Variants in DDB1 observed in about 807,000 individuals in gnomAD.
DDB1 encodes the protein DNA damage-binding protein 1.
In DDB1, 18 loss-of-function variants were observed where a neutral mutation model predicts 133.1. The observed-to-expected ratio is 0.14, with a 90% confidence interval of 0.09 to 0.20. The LOEUF (loss-of-function observed/expected upper bound fraction) is 0.20, where lower values mean the gene tolerates loss of function less well. Among genes scored for constraint, DDB1 ranks in the 10% least tolerant of loss-of-function variants. The pLI is 1.00. For missense variants in DDB1, 828 were observed against 1,459.2 expected, an observed-to-expected ratio of 0.57 and a Z score of 7.05; for synonymous variants, 580 against 550.5, an observed-to-expected ratio of 1.05 and a Z score of -0.75.
At chr11:61,315,374 T>C (rs1303977776) in intron 12 of DDB1, 2 of 152,200 alleles carry the variant, frequency 1.3e-5, no homozygotes, top group African/African-American at 2.4e-5. Context: ...AGCTCTTTAA[T>C]AATAAATAGG....
intron 20 of DDB1, 147 bp from the exon 21 acceptor site, chr11:61,309,224 T>C: frequency 2.9e-6 from 2 of 699,200 alleles, no homozygotes; most frequent in Non-Finnish European, 5.0e-6. Flanking sequence ...TCTACTGGAG[T>C]TAATGACCAC....
At chr11:61,321,497 T>A in intron 10 of DDB1, 98 bp downstream of exon 10, 1 of 986,920 alleles carries the variant, frequency 1.0e-6, no homozygotes, top group East Asian at 2.4e-5. Context: ...TCACTTGATC[T>A]GCTTTCCTCT....
At chr11:61,300,374 C>T (rs1001727962) in intron 26 of DDB1, among the ~76,000 whole-genome samples, 155 bp from the exon 27 acceptor site, 14 of 152,210 alleles carry the variant, frequency 9.2e-5, no homozygotes, top group African/African-American at 2.9e-4. Flanking sequence ...CTGGGTGGCA[C>T]AGGTCAGCAA....
Position 61,331,706 on chromosome 11 carries a change from C to G in DDB1, c.62-15G>C. ...AGTAAAGTGTCCTGAAAGAACAGAC[C>G]CTCTAACTTTTGAACTCAGGGGAAG... is the stretch of plus-strand genomic sequence containing the variant. On this transcript the variant is annotated splice_polypyrimidine_tract_variant and intron_variant, in intron 1 of 26. Coordinates refer to ENST00000301764, the MANE Select transcript of DDB1 (RefSeq NM_001923.5). 1.9e-6 allele frequency: 3 copies of G among 1,613,508 alleles called. No homozygotes were observed. Among genetic ancestry groups the G allele is most frequent in the Middle Eastern group, 3.3e-4 (2 of 6,060 alleles).
intron 3 of DDB1, 49 bp downstream of exon 3, chr11:61,329,909 T>C: frequency 6.7e-7 from 1 of 1,484,934 alleles, no homozygotes; most frequent in South Asian, 1.1e-5. Flanking sequence ...CCATGAATCA[T>C]GACAGCCCTA....
At chr11:61,317,930 G>A (rs187137091) in intron 10 of DDB1, among the ~76,000 whole-genome samples, 26 of 152,180 alleles carry the variant, frequency 1.7e-4, no homozygotes, top group African/African-American at 5.8e-4. Flanking sequence ...GGGTGTGGGA[G>A]GATCTTGCTA....
chr11:61,320,654 G>A (rs1269930259), intron 10 of DDB1, among the ~76,000 whole-genome samples: 2 of 151,724 alleles, frequency 1.3e-5, no homozygotes, highest in African/African-American at 4.8e-5. Context: ...CCTCCCAAGT[G>A]GCTAGGACTA....
chr11:61,302,240 G>C lies in DDB1; in HGVS notation c.3215+17C>G. The C allele has an allele frequency of 6.2e-7, 1 of 1,605,346 alleles. No individual in the cohort carries two copies. Among genetic ancestry groups the C allele is most frequent in the South Asian group, 1.1e-5 (1 of 90,906 alleles). On this transcript the variant is annotated intron_variant, in intron 25 of 26. Transcript: ENST00000301764. ...GGGATGTGCTTCCCAGCAAGGGGAT[G>C]GCTCTGGGAAGGATATAAGGAGTGC...
chr11:61,308,053 C>CT lies in DDB1; in HGVS notation c.2661+929dup, dbSNP rs375840072. 5.0e-3 allele frequency among the ~76,000 whole-genome samples: 755 copies of CT among 152,306 alleles called. 9 individuals carry two copies. The highest frequency in any genetic ancestry group is 0.017 in the African/African-American group (709 of 41,558). ...AGTCTTTCCAGAGAAGCAACATGACCTTTTGAAAATACAAGTTCAATCATG... is the reference window on the plus strand; with the variant it reads ...AGTCTTTCCAGAGAAGCAACATGACCTTTTTGAAAATACAAGTTCAATCATG... On this transcript the variant is annotated intron_variant, in intron 21 of 26. Transcript: ENST00000301764.
chr11:61,321,497 T>G, intron 10 of DDB1, 98 bp downstream of exon 10: 5 of 986,920 alleles, frequency 5.1e-6, no homozygotes, highest in Non-Finnish European at 8.0e-6. Flanking sequence ...TCACTTGATC[T>G]GCTTTCCTCT....
chr11:61,324,573 G>C (rs1438775689), intron 6 of DDB1, among the ~76,000 whole-genome samples: 1 of 152,028 alleles, frequency 6.6e-6, no homozygotes, highest in Non-Finnish European at 1.5e-5. Context: ...CCAGGCTAAA[G>C]TACGGTGGCT....
intron 1 of DDB1, 137 bp from the exon 2 acceptor site, chr11:61,331,828 T>A (rs916357090): frequency 3.1e-5 from 38 of 1,234,186 alleles, no homozygotes; most frequent in Admixed American, 1.4e-4. Flanking sequence ...CTCCAGCTAC[T>A]CCCCTTCTTG....
At chr11:61,308,525 A>G (rs1242393773) in intron 21 of DDB1, among the ~76,000 whole-genome samples, 1 of 152,184 alleles carries the variant, frequency 6.6e-6, no homozygotes, top group Non-Finnish European at 1.5e-5. Flanking sequence ...TCCCTACTCC[A>G]AAACATCAAG....
intron 19 of DDB1, 134 bp downstream of exon 19, chr11:61,310,161 A>T: frequency 7.0e-7 from 1 of 1,419,460 alleles, no homozygotes; most frequent in Non-Finnish European, 9.6e-7. Context: ...GCCATCTCAC[A>T]GAATTCCCAC....
intron 4 of DDB1, 160 bp from the exon 5 acceptor site, chr11:61,327,053 G>A: frequency 1.6e-6 from 1 of 620,752 alleles, no homozygotes; most frequent in Non-Finnish European, 2.9e-6. Context: ...CACTAGCTGA[G>A]CCTGGGATGA....
chr11:61,310,081 T>C, intron 19 of DDB1, 121 bp from the exon 20 acceptor site: 1 of 1,429,962 alleles, frequency 7.0e-7, no homozygotes, highest in Admixed American at 1.8e-5. Flanking sequence ...CTGCTGTCCC[T>C]GTCTCATCAG....
intron 16 of DDB1, among the ~76,000 whole-genome samples, chr11:61,312,290 A>G (rs1353325429): frequency 6.6e-6 from 1 of 152,228 alleles, no homozygotes; most frequent in Non-Finnish European, 1.5e-5. Context: ...GCCTAGGCTG[A>G]GATTTTTAAC....
At chr11:61,329,655 T>A in intron 3 of DDB1, 71 bp from the exon 4 acceptor site, 1 of 1,439,436 alleles carries the variant, frequency 6.9e-7, no homozygotes, top group Admixed American at 2.2e-5. Flanking sequence ...TGGGCACCAC[T>A]TGTGCAGAAA....
Position 61,302,955 on chromosome 11 carries a change from T to G in DDB1, c.2942+91A>C. 6 of 1,352,270 alleles carry G rather than the reference T, an allele frequency of 4.4e-6. No individual in the cohort carries two copies. In the South Asian group the frequency reaches 7.4e-5, roughly 17 times the overall value. The allele number at this position is 1,352,270 out of a possible 1,614,324, so 83.8% of individuals were successfully genotyped here. A position where few individuals can be genotyped will look rare whatever the true frequency, so the allele number is the denominator to read the frequency against. The stretch of plus-strand genomic sequence containing the variant: ...TTCTATCTCTGTAAACAGGAGCACC[T>G]GAACCTGACACAGAACCCAATGCTT... On this transcript the variant is annotated intron_variant, in intron 23 of 26. Coordinates refer to ENST00000301764, the MANE Select transcript of DDB1 (RefSeq NM_001923.5).
Sources: gnomAD v4.1 joint callset for allele counts (sites outside exome capture counted in the v4.1 genomes callset) on GRCh38, gnomAD v4.1.1 for gene constraint, MANE v1.5 for transcripts, NCBI Gene and HGNC (gene_info 2026-07-23, HGNC 2026-07-21) for gene names.